The following CGNL1 variants were observed in gnomAD, a reference collection of about 807,000 sequenced individuals.
The protein encoded by CGNL1 is cingulin like 1, also known as cingulin-like protein 1.
A neutral mutation model predicts 141.2 loss-of-function variants in CGNL1; 132 were observed. The observed-to-expected ratio is 0.93, with a 90% CI of 0.81 to 1.08. The LOEUF is 1.08. CGNL1 is among the 50% of genes least tolerant of loss of function. The pLI is 0.00. For synonymous variants in CGNL1, 690 were observed against 622.1 expected, an observed-to-expected ratio of 1.11 and a Z score of -1.63; for missense variants, 1,870 against 1,588.6, an observed-to-expected ratio of 1.18 and a Z score of -3.01.
At chr15:57,538,571 A>G (rs1338959366) in intron 14 of CGNL1, among the ~76,000 whole-genome samples, 1 of 152,138 alleles carries the variant, frequency 6.6e-6, no homozygotes, top group Non-Finnish European at 1.5e-5. Flanking sequence ...TGCCATGCTA[A>G]GTGCTGCTCT....
intron 4 of CGNL1, among the ~76,000 whole-genome samples, chr15:57,446,155 T>C (rs1049442164): frequency 3.3e-5 from 5 of 152,228 alleles, no homozygotes; most frequent in Non-Finnish European, 7.3e-5. Flanking sequence ...GGGCTTTGGG[T>C]ATAACTTAGC....
chr15:57,396,100 A>G (rs2062599132), intron 1 of CGNL1, among the ~76,000 whole-genome samples: 1 of 152,178 alleles, frequency 6.6e-6, no homozygotes. Flanking sequence ...TGTGAAATAC[A>G]TGGATTTGCA....
At chr15:57,391,606 G>T (rs1468420795) in intron 1 of CGNL1, among the ~76,000 whole-genome samples, 1 of 152,156 alleles carries the variant, frequency 6.6e-6, no homozygotes, top group Non-Finnish European at 1.5e-5. Flanking sequence ...GTTGAAGGTG[G>T]TTTACATAAG....
intron 1 of CGNL1, among the ~76,000 whole-genome samples, chr15:57,385,935 G>A (rs1186985481): frequency 6.6e-6 from 1 of 152,238 alleles, no homozygotes; most frequent in East Asian, 1.9e-4. Context: ...CCCTGACAAA[G>A]TGGAACCTCA....
Position 57,543,739 on chromosome 15 carries a change from G to C in CGNL1, c.3335G>C (p.Arg1112Thr), listed in dbSNP as rs1180811103. ...GAGCTACTTCAGGAGAGAGCTGCGA[G>C]ACAAGACTTGGAGTGCGACAAGATT... is the stretch of plus-strand genomic sequence containing the variant. ...RNELLQERAA[R>T]QDLECDKISL... is the part of the protein sequence containing the mutation. Residue 1112 changes from arginine (R) to threonine (T), a missense_variant, in exon 15 of 19, where the codon AGA (arginine) becomes ACA (threonine). Physicochemically the swap from Arg to Thr is moderately conservative, Grantham distance 71. Transcript: ENST00000281282. 6.2e-7 allele frequency: 1 copy of C among 1,613,966 alleles called. No homozygotes were observed. The highest frequency in any genetic ancestry group is 8.5e-7 in the Non-Finnish European group (1 of 1,179,994).
intron 13 of CGNL1, among the ~76,000 whole-genome samples, chr15:57,529,383 C>T (rs566152857): frequency 1.3e-5 from 2 of 152,274 alleles, no homozygotes; most frequent in African/African-American, 2.4e-5. Context: ...TGAATGCACT[C>T]ACCAGATGGG....
Position 57,439,327 on chromosome 15 carries a change from C to T in CGNL1, c.1328C>T (p.Thr443Ile), listed in dbSNP as rs142868083. ...CGTGGGAAACAGAGCGTGGGCCGCA[C>T]CTTTGCAAAGCTGCAGGGAGCAGCG... is the stretch of plus-strand genomic sequence containing the variant. The part of the protein sequence containing the change: ...ERRGKQSVGR[T>I]FAKLQGAAHG... Residue 443 changes from threonine to isoleucine, a missense_variant, in exon 2 of 19, where the codon ACC becomes ATC. Physicochemically the swap from Thr to Ile is moderately conservative, Grantham distance 89 (BLOSUM62 -1). Transcript: ENST00000281282. 1.2e-6 allele frequency: 2 copies of T among 1,614,002 alleles called. No homozygotes were observed. The highest frequency in any genetic ancestry group is 2.7e-5 in the African/African-American group (2 of 74,944).
At chr15:57,536,825 G>A (rs1175446331) in intron 14 of CGNL1, among the ~76,000 whole-genome samples, 2 of 152,186 alleles carry the variant, frequency 1.3e-5, no homozygotes, top group African/African-American at 2.4e-5. Context: ...AGGAGGTGGA[G>A]TCACAGTTTG....
At chr15:57,436,998 A>G (rs1308364934) in intron 1 of CGNL1, among the ~76,000 whole-genome samples, 3 of 152,210 alleles carry the variant, frequency 2.0e-5, no homozygotes, top group Non-Finnish European at 4.4e-5. Context: ...TGGAAAAAAA[A>G]AAAGACAACT....
intron 8 of CGNL1, among the ~76,000 whole-genome samples, chr15:57,491,310 G>T (rs1452023045): frequency 1.3e-5 from 2 of 152,120 alleles, no homozygotes; most frequent in Non-Finnish European, 2.9e-5. Context: ...ACCTACCTGG[G>T]GGAATATTCT....
At chr15:57,444,665 A>C (rs1173833235) in intron 4 of CGNL1, among the ~76,000 whole-genome samples, 1 of 152,144 alleles carries the variant, frequency 6.6e-6, no homozygotes, top group Non-Finnish European at 1.5e-5. Flanking sequence ...TTGTGAGAAG[A>C]AGGGAAGCTG....
intron 8 of CGNL1, among the ~76,000 whole-genome samples, chr15:57,474,868 T>C (rs1595743535): frequency 6.6e-6 from 1 of 152,358 alleles, no homozygotes; most frequent in South Asian, 2.1e-4. Context: ...ATTTATTCCA[T>C]GTACAGTGAA....
At chr15:57,522,575 T>G (rs1422281113) in intron 10 of CGNL1, among the ~76,000 whole-genome samples, 1 of 152,218 alleles carries the variant, frequency 6.6e-6, no homozygotes, top group Non-Finnish European at 1.5e-5. Flanking sequence ...TGAGTCAGGT[T>G]GCTCTGTTCC....
chr15:57,463,001 G>A (rs2063465909), intron 8 of CGNL1, among the ~76,000 whole-genome samples: 1 of 152,090 alleles, frequency 6.6e-6, no homozygotes, highest in African/African-American at 2.4e-5. Flanking sequence ...GTATCCTTGT[G>A]ATCTATCTTT....
intron 4 of CGNL1, among the ~76,000 whole-genome samples, chr15:57,447,810 G>GTA (rs1363631586): frequency 7.4e-5 from 3 of 40,606 alleles, no homozygotes; most frequent in South Asian, 1.1e-3. Context: ...CTTTTCGTGT[G>GTA]TGTGTGTGTG....
chr15:57,423,418 G>T (rs895535324), intron 1 of CGNL1, among the ~76,000 whole-genome samples: 1 of 142,190 alleles, frequency 7.0e-6, no homozygotes, highest in Non-Finnish European at 1.5e-5. Flanking sequence ...TGTGGGATGG[G>T]TATCTGTTTT....
chr15:57,469,797 AAT>A (rs1219640668), intron 8 of CGNL1, among the ~76,000 whole-genome samples: 1 of 152,268 alleles, frequency 6.6e-6, no homozygotes, highest in East Asian at 1.9e-4. Context: ...TACAGAAATG[AAT>A]ATATGTTTTG....
chr15:57,511,990 C>T (rs181948547), intron 8 of CGNL1, among the ~76,000 whole-genome samples: 3 of 152,304 alleles, frequency 2.0e-5, no homozygotes, highest in East Asian at 3.9e-4. Flanking sequence ...ATCAGAGAAT[C>T]GTAGAAACAT....
At chr15:57,443,683 T>G (rs1363297088) in intron 4 of CGNL1, among the ~76,000 whole-genome samples, 4 of 152,228 alleles carry the variant, frequency 2.6e-5, no homozygotes, top group African/African-American at 9.6e-5. Flanking sequence ...TCCTTGCGTA[T>G]TACACCATAG....
Sources: gnomAD v4.1 joint callset for allele counts (sites outside exome capture counted in the v4.1 genomes callset) on GRCh38, gnomAD v4.1.1 for gene constraint, MANE v1.5 for transcripts, NCBI Gene and HGNC (gene_info 2026-07-23, HGNC 2026-07-21) for gene names.